The following RORA variants were observed in gnomAD, a reference collection of about 807,000 sequenced individuals.
RORA encodes the protein nuclear receptor ROR-alpha.
A neutral mutation model predicts 69.5 loss-of-function variants in RORA; 7 were observed. The ratio of observed to expected loss-of-function variants is 0.10; its 90% confidence interval spans 0.06 to 0.19. RORA has a LOEUF of 0.19. Ranked by LOEUF, RORA falls within the 10% of genes least tolerant of loss-of-function variation. The pLI is 1.00. For synonymous variants in RORA, 261 were observed against 240.8 expected (o/e 1.08, Z -0.78); for missense variants, 457 against 663.0 (o/e 0.69, Z 3.41).
intron 1 of RORA, chr15:60,841,110 G>C: frequency 2.0e-6 from 2 of 984,518 alleles, no homozygotes; most frequent in Non-Finnish European, 2.4e-6. Context: ...TTTCAGCAGA[G>C]AGCTGAGGGA....
At chr15:60,678,520 A>G in intron 2 of RORA, 137 bp downstream of exon 2, 1 of 715,936 alleles carries the variant, frequency 1.4e-6, no homozygotes, top group Non-Finnish European at 2.5e-6. Flanking sequence ...ACCACTACAG[A>G]TTGAAAAAAA....
rs144718187 is a variant in RORA, at chr15:60,883,154, AAGAGAG to A, written c.167-204474_167-204469del. Reference sequence around the variant, plus strand: ...TCAAAAAAAAAAAAAAAAAAAAAGAAAGAGAGAGAGAGAGAGAGAGAGAGAGAGAAA... The same window carrying A: ...TCAAAAAAAAAAAAAAAAAAAAAGAAAGAGAGAGAGAGAGAGAGAGAGAAA... On this transcript the variant is annotated intron_variant, in intron 1 of 10. Transcript: ENST00000335670. Among the ~76,000 whole-genome samples the A allele has an allele frequency of 6.1e-4, 57 of 94,026 alleles. 1 individual carries two copies. Among genetic ancestry groups the A allele is most frequent in the African/African-American group, 2.1e-3 (55 of 26,410 alleles). The allele number at this position is 94,026 out of a possible 152,430, so 61.7% of individuals were successfully genotyped here. A position where few individuals can be genotyped will look rare whatever the true frequency, so the allele number is the denominator to read the frequency against.
chr15:60,500,045 A>G (rs202054792), intron 9 of RORA, 41 bp from the exon 10 acceptor site: 29 of 1,237,168 alleles, frequency 2.3e-5, no homozygotes, highest in East Asian at 2.4e-5. Context: ...TTCCTCTGAC[A>G]TGGTGTCAGG....
At chr15:60,633,123 C>G (rs564833401) in intron 2 of RORA, among the ~76,000 whole-genome samples, 19 of 152,348 alleles carry the variant, frequency 1.2e-4, no homozygotes, top group African/African-American at 3.8e-4. Context: ...TCATCACAAT[C>G]TGGTGCTGGC....
intron 1 of RORA, among the ~76,000 whole-genome samples, chr15:61,156,490 A>T (rs1330841640): frequency 1.3e-5 from 2 of 152,152 alleles, no homozygotes; most frequent in Non-Finnish European, 2.9e-5. Context: ...TCTTCTCAGC[A>T]ACTCTCCATT....
chr15:60,882,268 T>C (rs1256316297), intron 1 of RORA, among the ~76,000 whole-genome samples: 1 of 152,180 alleles, frequency 6.6e-6, no homozygotes, highest in East Asian at 1.9e-4. Context: ...TAGGGTATAT[T>C]TGGCAATGTT....
chr15:60,842,274 A>C (rs2073209156), intron 1 of RORA, among the ~76,000 whole-genome samples: 1 of 151,972 alleles, frequency 6.6e-6, no homozygotes, highest in Non-Finnish European at 1.5e-5. Flanking sequence ...AATTTATTTA[A>C]TATCATCCCT....
intron 1 of RORA, among the ~76,000 whole-genome samples, chr15:60,841,997 C>T (rs1173585600): frequency 6.6e-6 from 1 of 152,138 alleles, no homozygotes; most frequent in Non-Finnish European, 1.5e-5. Context: ...TCCCCTCGCA[C>T]TACAGTTTGG....
chr15:61,208,214 T>A lies in RORA; in HGVS notation c.166+20839A>T, dbSNP rs562930518. Among the ~76,000 whole-genome samples the A allele has an allele frequency of 2.6e-5, 4 of 152,334 alleles. No individual in the cohort carries two copies. The South Asian group carries it at 8.3e-4, about 32-fold the overall frequency. ...ATACATCCACATAATGGAAGATTAT[T>A]CAGCAACATAAAGGACCAAGGTACT... On this transcript the variant is annotated intron_variant, in intron 1 of 10. Transcript: ENST00000335670.
chr15:60,867,358 C>A (rs540569002), intron 1 of RORA, among the ~76,000 whole-genome samples: 1 of 152,054 alleles, frequency 6.6e-6, no homozygotes, highest in Non-Finnish European at 1.5e-5. Flanking sequence ...TGCAACTGAG[C>A]CCTTAACTGT....
intron 1 of RORA, among the ~76,000 whole-genome samples, chr15:61,227,437 C>T (rs1297482432): frequency 6.6e-6 from 1 of 152,118 alleles, no homozygotes; most frequent in Non-Finnish European, 1.5e-5. Flanking sequence ...GCCCCCCTCC[C>T]GCTGAAACCG....
chr15:60,808,405 T>TA (rs2072688840), intron 1 of RORA, among the ~76,000 whole-genome samples: 1 of 151,968 alleles, frequency 6.6e-6, no homozygotes, highest in Non-Finnish European at 1.5e-5. Flanking sequence ...AAAAAAAATT[T>TA]AAAAAATAGA....
chr15:60,629,187 CTTTTTTT>C (rs34687322), intron 2 of RORA, among the ~76,000 whole-genome samples: 6 of 112,030 alleles, frequency 5.4e-5, no homozygotes, highest in Admixed American at 1.0e-4. Flanking sequence ...ACTGTTTATT[CTTTTTTT>C]TTTTTTTTTT....
At chr15:60,939,860 T>A (rs1378062594) in intron 1 of RORA, among the ~76,000 whole-genome samples, 1 of 152,252 alleles carries the variant, frequency 6.6e-6, no homozygotes, top group Non-Finnish European at 1.5e-5. Context: ...AAAAGCAGTG[T>A]GTGTGCACAT....
At chr15:60,928,428 A>T (rs1267914982) in intron 1 of RORA, among the ~76,000 whole-genome samples, 2 of 152,316 alleles carry the variant, frequency 1.3e-5, no homozygotes, top group East Asian at 3.9e-4. Context: ...AGCTCGTGGA[A>T]GCCAACAACA....
intron 2 of RORA, among the ~76,000 whole-genome samples, chr15:60,562,267 A>G (rs2067584669): frequency 6.6e-6 from 1 of 150,918 alleles, no homozygotes; most frequent in Non-Finnish European, 1.5e-5. Context: ...ACAGAGTCTG[A>G]CTCTGTCACC....
At chr15:60,800,537 C>A (rs921709825) in intron 1 of RORA, among the ~76,000 whole-genome samples, 1 of 152,168 alleles carries the variant, frequency 6.6e-6, no homozygotes, top group African/African-American at 2.4e-5. Context: ...AAAAAGAGAA[C>A]CTTCTTGAAG....
intron 1 of RORA, among the ~76,000 whole-genome samples, chr15:61,133,581 G>A (rs1281847040): frequency 6.6e-6 from 1 of 152,158 alleles, no homozygotes; most frequent in Non-Finnish European, 1.5e-5. Flanking sequence ...GGGAAAGGGT[G>A]AGTCACAAGT....
At chr15:60,863,249 T>C (rs1272846020) in intron 1 of RORA, among the ~76,000 whole-genome samples, 6 of 152,184 alleles carry the variant, frequency 3.9e-5, no homozygotes, top group Non-Finnish European at 1.5e-5. Context: ...TGTTCTGACC[T>C]TTCAGGAACA....
Sources: gnomAD v4.1 joint callset for allele counts (sites outside exome capture counted in the v4.1 genomes callset) on GRCh38, gnomAD v4.1.1 for gene constraint, MANE v1.5 for transcripts, NCBI Gene and HGNC (gene_info 2026-07-23, HGNC 2026-07-21) for gene names.